ITIH5: variants seen among roughly 807,000 people sequenced by gnomAD.
The protein encoded by ITIH5 is inter-alpha-trypsin inhibitor heavy chain H5.
Under a neutral mutation model 77.5 loss-of-function variants are expected in ITIH5, and 65 were observed. The observed-to-expected ratio is 0.84, with a 90% CI of 0.69 to 1.03. The LOEUF is 1.03. Ranked by LOEUF, ITIH5 falls within the 50% of genes least tolerant of loss-of-function variation. ITIH5 has a pLI of 0.00. For missense variants in ITIH5, 1,208 were observed against 1,213.1 expected (o/e 1.00, Z 0.06); for synonymous variants, 525 against 494.3 (o/e 1.06, Z -0.82).
At chr10:7,624,876 T>TATACATATATATACAC (rs1833548271) in intron 5 of ITIH5, among the ~76,000 whole-genome samples, 1 of 35,624 alleles carries the variant, frequency 2.8e-5, no homozygotes, top group Non-Finnish European at 5.2e-5. Flanking sequence ...TATATATGTA[T>TATACATATATATACAC]GTATATATAT....
At chr10:7,650,703 T>C (rs948825306) in intron 2 of ITIH5, among the ~76,000 whole-genome samples, 1 of 148,974 alleles carries the variant, frequency 6.7e-6, no homozygotes, top group Non-Finnish European at 1.5e-5. Flanking sequence ...GCCATTGCAC[T>C]CCAGCCTGGG....
intron 11 of ITIH5, chr10:7,571,933 T>A (rs1409841432): frequency 1.0e-6 from 1 of 987,186 alleles, no homozygotes; most frequent in Non-Finnish European, 1.2e-6. Flanking sequence ...AGGACAACTG[T>A]CTAGCTCATC....
Position 7,565,027 on chromosome 10 carries a change from T to C in ITIH5, c.2527+1003A>G, listed in dbSNP as rs922504279. Among the ~76,000 whole-genome samples the C allele has an allele frequency of 7.6e-5, 11 of 144,500 alleles. No homozygotes were observed. In the South Asian group the frequency reaches 8.7e-4, roughly 11 times the overall value. The allele number at this position is 144,500 out of a possible 152,430, so 94.8% of individuals were successfully genotyped here. On this transcript the variant is annotated intron_variant, in intron 13 of 13. Coordinates refer to ENST00000397146, the MANE Select transcript of ITIH5 (RefSeq NM_030569.7). ...ATACCTACATATATACATATATACA[T>C]ACATAGACTGTATATATATATACAT...
At chr10:7,580,483 TA>T (rs2130965007) in intron 8 of ITIH5, among the ~76,000 whole-genome samples, 1 of 152,326 alleles carries the variant, frequency 6.6e-6, no homozygotes, top group East Asian at 1.9e-4. Context: ...AGTGAGGTGT[TA>T]AGGGGCCATC....
At chr10:7,573,610 A>G (rs765296198) in intron 10 of ITIH5, among the ~76,000 whole-genome samples, 11 of 145,944 alleles carry the variant, frequency 7.5e-5, no homozygotes, top group Non-Finnish European at 6.0e-5. Context: ...CAGGAGATCA[A>G]GGCTGCAGTG....
intron 7 of ITIH5, among the ~76,000 whole-genome samples, chr10:7,606,804 A>G (rs1398366848): frequency 6.6e-6 from 1 of 152,342 alleles, no homozygotes; most frequent in East Asian, 1.9e-4. Flanking sequence ...ATCCGGGTAA[A>G]TCTTAACTAC....
intron 12 of ITIH5, among the ~76,000 whole-genome samples, chr10:7,568,121 T>C (rs920221427): frequency 3.3e-5 from 5 of 152,184 alleles, no homozygotes; most frequent in African/African-American, 1.2e-4. Flanking sequence ...CAGATGGCGA[T>C]TGCACTTGAG....
At position 7,624,812 on chromosome 10, in the gene ITIH5, T is replaced by TATACAC. The variant is rs1259915493; in HGVS notation, c.653-7531_653-7530insGTGTAT. On this transcript the variant is annotated intron_variant, in intron 5 of 13. Transcript: ENST00000397146. ...AAAAAAAAAAAAATATATATATATA[T>TATACAC]ACACATATATATGTGTATATACATG... Among the ~76,000 whole-genome samples, 9 of 110,664 alleles carry TATACAC rather than the reference T, an allele frequency of 8.1e-5. 1 individual carries two copies. The highest frequency in any genetic ancestry group is 3.0e-4 in the African/African-American group (8 of 26,294). 72.6% of individuals were successfully genotyped at this position (110,664 alleles called of 152,430 possible).
intron 13 of ITIH5, 79 bp from the exon 14 acceptor site, chr10:7,563,463 TGGCA>T (rs1347525191): frequency 7.5e-7 from 1 of 1,327,026 alleles, no homozygotes; most frequent in Admixed American, 2.1e-5. Context: ...GAGCTATCAG[TGGCA>T]GAAAGGCTTA....
In ITIH5 at chr10:7,579,822, A is replaced by T. The variant is rs1459051886; in HGVS notation, c.1351T>A (p.Ser451Thr). Reference sequence around the variant, plus strand: ...CGTGTGAGGCCACAGTTCTCCAGCGACAGTTTCTCCAGCAGCCTGAAGTCC... The same window carrying T: ...CGTGTGAGGCCACAGTTCTCCAGCGTCAGTTTCTCCAGCAGCCTGAAGTCC... ...DVDFRLLEKLSLENCGLTRRV... is the reference protein window; with the variant it reads ...DVDFRLLEKLTLENCGLTRRV... The change falls in exon 9 of 14, where the codon TCG becomes ACG. Residue 451 changes from serine to threonine, a missense_variant. Ser to Thr is a moderately conservative substitution (Grantham distance 58). Transcript: ENST00000397146. 1 of 1,613,828 alleles carries T rather than the reference A, an allele frequency of 6.2e-7. No homozygotes were observed. The highest frequency in any genetic ancestry group is 1.1e-5 in the South Asian group (1 of 91,082).
chr10:7,559,986 G>C lies in ITIH5; in HGVS notation c.*3097C>G. ...CCTGCCTCAGCCTCCCAAGTAGCTG[G>C]AACTACAGGCACGCACCACCACGCC... On this transcript the variant is annotated 3_prime_UTR_variant, in exon 14 of 14. Transcript: ENST00000397146. 2.6e-6 allele frequency: 1 copy of C among 391,544 alleles called. No homozygotes were observed. Among genetic ancestry groups the C allele is most frequent in the African/African-American group, 2.1e-5 (1 of 46,612 alleles). The allele number at this position is 391,544 out of a possible 1,614,324, so 24.3% of individuals were successfully genotyped here. A position where few individuals can be genotyped will look rare whatever the true frequency, so the allele number is the denominator to read the frequency against.
chr10:7,568,653 A>G (rs1162227083), intron 12 of ITIH5, among the ~76,000 whole-genome samples: 1 of 152,222 alleles, frequency 6.6e-6, no homozygotes, highest in Non-Finnish European at 1.5e-5. Flanking sequence ...GCAACCCAAC[A>G]TTCCAAGACA....
At chr10:7,565,845 A>G (rs189683282) in intron 13 of ITIH5, among the ~76,000 whole-genome samples, 185 bp downstream of exon 13, 1 of 150,602 alleles carries the variant, frequency 6.6e-6, no homozygotes. Context: ...GTATATGTAT[A>G]TATGTATAGA....
rs571508983 is a variant in ITIH5, at chr10:7,644,401, A to G, written c.136-2311T>C. 1.1e-3 allele frequency among the ~76,000 whole-genome samples: 166 copies of G among 146,464 alleles called. 1 individual carries two copies. Among genetic ancestry groups the G allele is most frequent in the African/African-American group, 3.8e-3 (154 of 40,216 alleles). On this transcript the variant is annotated intron_variant, in intron 2 of 13. Coordinates refer to ENST00000397146, the MANE Select transcript of ITIH5 (RefSeq NM_030569.7). The stretch of plus-strand genomic sequence containing the variant: ...ATCACATATATCACATATATCACAT[A>G]TATCACATATATCATATATATCACA...
rs528005531 is a variant in ITIH5, at chr10:7,566,348, G to T, written c.2209C>A (p.Gln737Lys). Reference protein sequence around the residue: ...APAPPNGHKKQRTYLRTITIL... With the variant: ...APAPPNGHKKKRTYLRTITIL... ...GTGATAGTGCGCAAGTAAGTGCGCT[G>T]TTTCTTGTGGCCATTTGGAGGGGCG... Residue 737 changes from glutamine (Q) to lysine (K), a missense_variant, in exon 13 of 14, where the codon CAG becomes AAG. Transcript: ENST00000397146. 2.2e-4 allele frequency: 351 copies of T among 1,607,918 alleles called. 3 individuals carry two copies. In the South Asian group the frequency reaches 3.0e-3, roughly 14 times the overall value.
intron 1 of ITIH5, among the ~76,000 whole-genome samples, chr10:7,659,229 A>T (rs1048794206): frequency 8.5e-5 from 13 of 152,134 alleles, no homozygotes; most frequent in African/African-American, 2.7e-4. Context: ...AAAGACAAAA[A>T]TTAGCTGGGC....
At chr10:7,639,449 A>G (rs1171812024) in intron 4 of ITIH5, among the ~76,000 whole-genome samples, 1 of 152,254 alleles carries the variant, frequency 6.6e-6, no homozygotes. Flanking sequence ...TCTGTATCAA[A>G]GTGAACCCAT....
At chr10:7,650,011 GAT>G (rs1341154522) in intron 2 of ITIH5, among the ~76,000 whole-genome samples, 1 of 152,196 alleles carries the variant, frequency 6.6e-6, no homozygotes, top group African/African-American at 2.4e-5. Context: ...TGTGACATAA[GAT>G]AATTTCTTCA....
At chr10:7,629,303 CCATGTTGTAG>C (rs1833666561) in intron 5 of ITIH5, among the ~76,000 whole-genome samples, 1 of 113,036 alleles carries the variant, frequency 8.8e-6, no homozygotes, top group African/African-American at 4.1e-5. Flanking sequence ...TAGCGTGTGT[CCATGTTGTAG>C]CGTGTGCCCA....
Sources: gnomAD v4.1 joint callset for allele counts (sites outside exome capture counted in the v4.1 genomes callset) on GRCh38, gnomAD v4.1.1 for gene constraint, MANE v1.5 for transcripts, NCBI Gene and HGNC (gene_info 2026-07-23, HGNC 2026-07-21) for gene names.